The following ZNF676 variants were observed in gnomAD, a reference collection of about 807,000 sequenced individuals.
ZNF676 encodes zinc finger protein 676.
ZNF676 carries 4 observed loss-of-function variants against 6.0 expected under a neutral mutation model. That is an observed-to-expected ratio of 0.67 (90% CI 0.33 to 1.53). The LOEUF is 1.53. Ranked by LOEUF, ZNF676 falls within the 40% of genes most tolerant of loss-of-function variation. ZNF676 has a pLI of 0.06. For missense variants in ZNF676, 644 were observed against 679.7 expected (o/e 0.95, Z 0.58); for synonymous variants, 198 against 223.1 (o/e 0.89, Z 1.00).
chr19:22,239,965 T>A, the ZNF676 span, among the ~76,000 whole-genome samples: 1 of 152,252 alleles, frequency 6.6e-6, no homozygotes, highest in South Asian at 2.1e-4. Flanking sequence ...CTGACATAGG[T>A]CACAATTCAT....
upstream of ZNF676, among the ~76,000 whole-genome samples, chr19:22,218,290 T>G (rs1320584409): frequency 6.6e-6 from 1 of 152,126 alleles, no homozygotes; most frequent in African/African-American, 2.4e-5. Flanking sequence ...ATTTGATCCA[T>G]CTTGAGTTGA....
At chr19:22,232,957 A>G in the ZNF676 span, among the ~76,000 whole-genome samples, 1 of 152,172 alleles carries the variant, frequency 6.6e-6, no homozygotes, top group Non-Finnish European at 1.5e-5. Context: ...TATGGAATCT[A>G]ATGAGACAAT....
At chr19:22,230,508 G>GAA in the ZNF676 span, among the ~76,000 whole-genome samples, 5 of 150,392 alleles carry the variant, frequency 3.3e-5, no homozygotes, top group Admixed American at 1.3e-4. Flanking sequence ...AATAAAAAAG[G>GAA]AAAAAAAAGA....
At chr19:22,247,517 T>C in the ZNF676 span, among the ~76,000 whole-genome samples, 1 of 150,878 alleles carries the variant, frequency 6.6e-6, no homozygotes, top group Non-Finnish European at 1.5e-5. Context: ...TAAGCCAAGA[T>C]CGTACCATTG....
In ZNF676 at chr19:22,181,213, G is replaced by C. The variant is rs770168459; in HGVS notation, c.504C>G (p.Ser168=). 70 of 1,613,740 alleles carry C rather than the reference G, an allele frequency of 4.3e-5. No individual in the cohort carries two copies. The highest frequency in any genetic ancestry group is 5.8e-5 in the Non-Finnish European group (69 of 1,179,898). ...QHERIYTREN[S]YKCEENGKAF... ...CTTTGCCATTTTCTTCACATTTGTA[G>C]GAATTCTCTCTAGTATAAATTCTTT... Residue 168 remains serine, a synonymous_variant, in exon 3 of 3, where the codon TCC becomes TCG. Coordinates refer to ENST00000397121, the MANE Select transcript of ZNF676 (RefSeq NM_001001411.3).
At chr19:22,187,683 G>A (rs1337297237) in intron 2 of ZNF676, among the ~76,000 whole-genome samples, 1 of 151,628 alleles carries the variant, frequency 6.6e-6, no homozygotes, top group Non-Finnish European at 1.5e-5. Context: ...AATAATAAAG[G>A]GGACACCGCC....
At chr19:22,238,363 G>A in the ZNF676 span, among the ~76,000 whole-genome samples, 261 of 152,210 alleles carry the variant, frequency 1.7e-3, 1 homozygote, top group African/African-American at 6.0e-3. Flanking sequence ...TGAAAGGTAT[G>A]TATAGAGTCA....
intron 1 of ZNF676, among the ~76,000 whole-genome samples, chr19:22,204,534 G>C (rs1431883058): frequency 6.6e-6 from 1 of 152,178 alleles, no homozygotes; most frequent in Non-Finnish European, 1.5e-5. Context: ...AAGTACAACA[G>C]ACTCCACTGT....
chr19:22,225,004 A>C, the ZNF676 span, among the ~76,000 whole-genome samples: 1 of 152,086 alleles, frequency 6.6e-6, no homozygotes, highest in Admixed American at 6.6e-5. Context: ...CAAAAAAAAA[A>C]GCTGTGGATT....
intron 1 of ZNF676, among the ~76,000 whole-genome samples, chr19:22,206,629 T>G (rs889853025): frequency 2.0e-5 from 3 of 151,522 alleles, no homozygotes; most frequent in African/African-American, 7.3e-5. Context: ...GAACCAAGAT[T>G]GCACCACTGC....
At chr19:22,184,469 C>CT (rs1218524890) in intron 2 of ZNF676, among the ~76,000 whole-genome samples, 4 of 151,876 alleles carry the variant, frequency 2.6e-5, no homozygotes, top group South Asian at 2.1e-4. Flanking sequence ...AGAGTTTTTT[C>CT]TTTTTTTTCC....
the ZNF676 span, among the ~76,000 whole-genome samples, chr19:22,253,934 A>G: frequency 6.6e-6 from 1 of 152,194 alleles, no homozygotes; most frequent in Non-Finnish European, 1.5e-5. Context: ...ATACATAGAG[A>G]AGACCCATAA....
At chr19:22,232,057 A>C in the ZNF676 span, among the ~76,000 whole-genome samples, 1 of 152,162 alleles carries the variant, frequency 6.6e-6, no homozygotes, top group Non-Finnish European at 1.5e-5. Flanking sequence ...GTTTTGTGCA[A>C]GTGTGTGTAT....
chr19:22,229,371 A>C, the ZNF676 span, among the ~76,000 whole-genome samples: 611 of 152,346 alleles, frequency 4.0e-3, 5 homozygotes, highest in African/African-American at 0.014. Context: ...TTAAAGACTT[A>C]AATGTAACAC....
the ZNF676 span, among the ~76,000 whole-genome samples, chr19:22,250,778 T>C: frequency 6.6e-6 from 1 of 151,918 alleles, no homozygotes; most frequent in African/African-American, 2.4e-5. Context: ...ATGGTGTGAT[T>C]TCAACTAACT....
At chr19:22,215,040 C>CAAAAAAA (rs1159376851) in intron 1 of ZNF676, among the ~76,000 whole-genome samples, 2 of 51,418 alleles carry the variant, frequency 3.9e-5, no homozygotes, top group Admixed American at 2.4e-4. Context: ...GACTCCATCT[C>CAAAAAAA]AAAAAAAAAA....
chr19:22,192,878 A>T (rs2023926229), intron 2 of ZNF676, 138 bp downstream of exon 2: 2 of 961,366 alleles, frequency 2.1e-6, no homozygotes, highest in South Asian at 2.2e-5. Flanking sequence ...TGTGAGAGAA[A>T]ATTAAAAAAT....
chr19:22,219,881 C>T (rs1237436199), upstream of ZNF676, among the ~76,000 whole-genome samples: 4 of 152,118 alleles, frequency 2.6e-5, no homozygotes, highest in Admixed American at 2.6e-4. Flanking sequence ...TCTCAAACTC[C>T]TGACCTCAAG....
the ZNF676 span, among the ~76,000 whole-genome samples, chr19:22,227,361 G>A: frequency 2.0e-5 from 3 of 152,164 alleles, no homozygotes; most frequent in Admixed American, 1.3e-4. Context: ...AGACAAAGCA[G>A]TGCTTAGAGG....
Sources: allele counts gnomAD v4.1 joint callset (sites outside exome capture counted in the v4.1 genomes callset), GRCh38; gene constraint gnomAD v4.1.1; transcripts MANE v1.5; gene names NCBI Gene and HGNC (gene_info 2026-07-23, HGNC 2026-07-21).